ZNF461: variants seen among roughly 807,000 people sequenced by gnomAD.
The protein encoded by ZNF461 is zinc finger protein 461.
Under a neutral mutation model 18.3 loss-of-function variants are expected in ZNF461, and 16 were observed. The ratio of observed to expected loss-of-function variants is 0.88; its 90% CI spans 0.59 to 1.33. ZNF461 has a LOEUF of 1.33. Ranked by LOEUF, ZNF461 falls within the 40% of genes most tolerant of loss-of-function variation. The pLI, the probability that ZNF461 is intolerant of heterozygous loss-of-function variation, is 0.00. For missense variants in ZNF461, 595 were observed against 669.9 expected (o/e 0.89, Z 1.23); for synonymous variants, 179 against 216.9 (o/e 0.83, Z 1.54).
intron 5 of ZNF461, among the ~76,000 whole-genome samples, chr19:36,640,751 C>T (rs572174880): frequency 1.3e-5 from 2 of 151,978 alleles, no homozygotes; most frequent in East Asian, 1.9e-4. Flanking sequence ...GATTTTAATG[C>T]GAGAGAAAAT....
intron 4 of ZNF461, among the ~76,000 whole-genome samples, chr19:36,644,752 A>G (rs367750916): frequency 3.4e-5 from 5 of 149,056 alleles, no homozygotes; most frequent in East Asian, 4.1e-4. Flanking sequence ...ATGCCACCAC[A>G]TCGGCTAATT....
intron 2 of ZNF461, among the ~76,000 whole-genome samples, chr19:36,661,871 TTTTA>T: frequency 6.6e-6 from 1 of 152,192 alleles, no homozygotes. Context: ...AGTATTTCTT[TTTTA>T]TTTATTTATT....
intron 4 of ZNF461, among the ~76,000 whole-genome samples, chr19:36,654,222 A>G (rs1431927267): frequency 6.6e-6 from 1 of 152,202 alleles, no homozygotes; most frequent in Non-Finnish European, 1.5e-5. Flanking sequence ...AAGGAATGTT[A>G]TCTTTACATT....
intron 4 of ZNF461, among the ~76,000 whole-genome samples, chr19:36,652,802 A>G (rs2037652819): frequency 6.6e-6 from 1 of 152,152 alleles, no homozygotes; most frequent in South Asian, 2.1e-4. Context: ...CTACCGCTCA[A>G]AAAAAGACAA....
chr19:36,656,503 C>A lies in ZNF461; in HGVS notation c.177G>T (p.Glu59Asp). The change falls in exon 4 of 6, where the codon GAG becomes GAT. Residue 59 changes from glutamate to aspartate, a missense_variant. Physicochemically the swap from Glu to Asp is conservative, Grantham distance 45 (BLOSUM62 2). Transcript: ENST00000588268. ...VSKPAVISSLEQGKEPWMVVR... is the reference protein window; with the variant it reads ...VSKPAVISSLDQGKEPWMVVR... The stretch of plus-strand genomic sequence containing the variant: ...CAACCATCCAGGGCTCCTTCCCTTG[C>A]TCCAATGAGGAGATTACGGCTGGCT... 1 of 1,614,128 alleles carries A rather than the reference C, an allele frequency of 6.2e-7. No individual in the cohort carries two copies. Among genetic ancestry groups the A allele is most frequent in the Non-Finnish European group, 8.5e-7 (1 of 1,180,034 alleles).
At chr19:36,662,324 C>T (rs907691811) in intron 2 of ZNF461, among the ~76,000 whole-genome samples, 2 of 151,860 alleles carry the variant, frequency 1.3e-5, no homozygotes, top group African/African-American at 4.8e-5. Context: ...GGCAGGATCT[C>T]GGCTCACTGC....
chr19:36,654,059 C>A (rs1044711433), intron 4 of ZNF461, among the ~76,000 whole-genome samples: 2 of 152,020 alleles, frequency 1.3e-5, no homozygotes, highest in Admixed American at 1.3e-4. Context: ...AAGGTATTAA[C>A]CCTGGGGGAA....
chr19:36,656,387 G>T, intron 4 of ZNF461, 61 bp downstream of exon 4: 2 of 1,380,378 alleles, frequency 1.4e-6, no homozygotes, highest in Non-Finnish European at 2.1e-6. Context: ...AAACTTGCCA[G>T]CCCAACATTC....
At chr19:36,640,956 T>C (rs908773860) in intron 5 of ZNF461, among the ~76,000 whole-genome samples, 2 of 152,168 alleles carry the variant, frequency 1.3e-5, no homozygotes, top group African/African-American at 4.8e-5. Context: ...CAATATAATC[T>C]CATTTTGAGT....
intron 5 of ZNF461, among the ~76,000 whole-genome samples, chr19:36,641,567 G>T (rs1021494944): frequency 1.4e-5 from 2 of 138,070 alleles, no homozygotes; most frequent in African/African-American, 2.5e-5. Flanking sequence ...ATATATATAT[G>T]TTTTTTTACC....
In ZNF461 at chr19:36,639,190, A is replaced by G; in HGVS notation, c.1155T>C (p.Tyr385=). 1.2e-6 allele frequency: 2 copies of G among 1,614,144 alleles called. No homozygotes were observed. The highest frequency in any genetic ancestry group is 2.2e-5 in the East Asian group (1 of 44,870). The part of the protein sequence containing the change: ...HQRIHTGEKP[Y]ECRECGKAFS... ...AGGCCTTCCCACATTCCCGACATTC[A>G]TAGGGTTTCTCACCAGTATGAATTC... Residue 385 remains tyrosine (Y), a synonymous_variant, in exon 6 of 6, where the codon TAT becomes TAC. Transcript: ENST00000588268.
intron 2 of ZNF461, among the ~76,000 whole-genome samples, chr19:36,664,102 A>G (rs1448362336): frequency 6.6e-6 from 1 of 152,192 alleles, no homozygotes. Context: ...CTTCAAAACA[A>G]TATTATTTGT....
At chr19:36,648,870 C>A (rs1600426533) in intron 4 of ZNF461, among the ~76,000 whole-genome samples, 1 of 152,072 alleles carries the variant, frequency 6.6e-6, no homozygotes, top group Admixed American at 6.6e-5. Context: ...CATGAGCCAC[C>A]GTGCCCAGCC....
chr19:36,661,210 C>T (rs753917957), intron 2 of ZNF461, among the ~76,000 whole-genome samples: 2 of 151,260 alleles, frequency 1.3e-5, no homozygotes, highest in Non-Finnish European at 2.9e-5. Flanking sequence ...CCTAGGAGTT[C>T]GAGGCTGCAA....
At chr19:36,646,188 T>C (rs2037524595) in intron 4 of ZNF461, among the ~76,000 whole-genome samples, 1 of 151,936 alleles carries the variant, frequency 6.6e-6, no homozygotes, top group African/African-American at 2.4e-5. Flanking sequence ...TGGAGTGCAA[T>C]GGTGTGATCT....
At chr19:36,648,105 C>T (rs914148426) in intron 4 of ZNF461, among the ~76,000 whole-genome samples, 2 of 151,812 alleles carry the variant, frequency 1.3e-5, no homozygotes, top group East Asian at 3.9e-4. Flanking sequence ...CGCTTGAAAC[C>T]GAGGTGGAGG....
rs550088228 is a variant in ZNF461, at chr19:36,639,346, T to C, written c.999A>G (p.Gln333=). 6.8e-6 allele frequency: 11 copies of C among 1,614,094 alleles called. No individual in the cohort carries two copies. In the East Asian group the frequency reaches 1.3e-4, roughly 20 times the overall value. ...HTGEKPYECK[Q]CGKAFIRGFQ... Reference sequence around the variant, plus strand: ...AGCCACGAATAAAAGCCTTCCCACATTGCTTACATTCATAGGGTTTTTCAC... The same window carrying C: ...AGCCACGAATAAAAGCCTTCCCACACTGCTTACATTCATAGGGTTTTTCAC... The change falls in exon 6 of 6, where the codon CAA becomes CAG. Residue 333 remains glutamine, a synonymous_variant. Coordinates refer to ENST00000588268, the MANE Select transcript of ZNF461 (RefSeq NM_153257.5).
chr19:36,637,894 AT>A lies in ZNF461; in HGVS notation c.*758del. 1 of 367,704 alleles carries A rather than the reference AT, an allele frequency of 2.7e-6. No homozygotes were observed. The highest frequency in any genetic ancestry group is 5.3e-6 in the Non-Finnish European group (1 of 188,362). 22.8% of individuals were successfully genotyped at this position (367,704 alleles called of 1,614,324 possible). ...ATGTTAGGGGAGAATTAATTTTCAC[AT>A]TTTTGGTAATTTTTGAATTTTTATA... is the stretch of plus-strand genomic sequence containing the variant. On this transcript the variant is annotated 3_prime_UTR_variant, in exon 6 of 6. Transcript: ENST00000588268.
At position 36,639,638 on chromosome 19, in the gene ZNF461, T is replaced by A; in HGVS notation, c.707A>T (p.Gln236Leu). ...EIVNTPCLFKQQTIQNGDKCN... is the reference protein window; with the variant it reads ...EIVNTPCLFKLQTIQNGDKCN... ...TTTGTCACCATTTTGAATTGTCTGT[T>A]GTTTAAAAAGGCATGGTGTATTAAC... is the stretch of plus-strand genomic sequence containing the variant. The change falls in exon 6 of 6, where the codon CAA becomes CTA. Residue 236 changes from glutamine (Q) to leucine (L), a missense_variant. By Grantham distance (113) the Gln-to-Leu change is moderately radical. Transcript: ENST00000588268. 6.2e-7 allele frequency: 1 copy of A among 1,613,818 alleles called. No homozygotes were observed. Among genetic ancestry groups the A allele is most frequent in the Non-Finnish European group, 8.5e-7 (1 of 1,179,782 alleles).
Sources: gnomAD v4.1 joint callset for allele counts (sites outside exome capture counted in the v4.1 genomes callset) on GRCh38, gnomAD v4.1.1 for gene constraint, MANE v1.5 for transcripts, NCBI Gene and HGNC (gene_info 2026-07-23, HGNC 2026-07-21) for gene names.